The following WDR25 variants were observed in gnomAD, a reference collection of about 807,000 sequenced individuals.
WDR25 encodes WD repeat-containing protein 25.
Under a neutral mutation model 47.7 loss-of-function variants are expected in WDR25, and 35 were observed. The observed-to-expected ratio is 0.73, with a 90% CI of 0.56 to 0.97. WDR25 has a LOEUF of 0.97. WDR25 is among the 50% of genes least tolerant of loss of function. The pLI is 0.00. For missense variants in WDR25, 634 were observed against 704.7 expected, an observed-to-expected ratio of 0.90 and a Z score of 1.14; for synonymous variants, 248 against 278.9, an observed-to-expected ratio of 0.89 and a Z score of 1.10.
chr14:100,447,931 C>T (rs543522469), intron 2 of WDR25, among the ~76,000 whole-genome samples: 8 of 152,148 alleles, frequency 5.3e-5, no homozygotes, highest in Admixed American at 3.3e-4. Flanking sequence ...TGGTGGCTCA[C>T]GCCTGTAATC....
chr14:100,467,740 C>G (rs982569156), intron 2 of WDR25, among the ~76,000 whole-genome samples: 26 of 152,076 alleles, frequency 1.7e-4, no homozygotes, highest in African/African-American at 6.3e-4. Context: ...CCCACCTTGG[C>G]CTCCCAAAGT....
rs533291960 is a variant in WDR25 at position 100,452,536 on chromosome 14, A to T, written c.823-15485A>T. ...ACTTGAGGGAACCCAGCAGCTGGGTAGAGAAGAGCACCTGGACAGAGGAGT... is the reference window on the plus strand; with the variant it reads ...ACTTGAGGGAACCCAGCAGCTGGGTTGAGAAGAGCACCTGGACAGAGGAGT... On this transcript the variant is annotated intron_variant, in intron 2 of 6. Transcript: ENST00000402312. Among the ~76,000 whole-genome samples, 4 of 152,298 alleles carry T rather than the reference A, an allele frequency of 2.6e-5. No homozygotes were observed. The South Asian group carries it at 8.3e-4, about 32-fold the overall frequency.
Position 100,381,766 on chromosome 14 carries a change from T to G in WDR25, c.822+20T>G. On this transcript the variant is annotated intron_variant, in intron 2 of 6. Transcript: ENST00000402312. ...TTCAAGGTAAGACTTGAATGAAAAC[T>G]TCTGCTTTCAGATGCTCTTAGGAAT... 6.4e-7 allele frequency: 1 copy of G among 1,556,754 alleles called. No individual in the cohort carries two copies. The highest frequency in any genetic ancestry group is 8.7e-7 in the Non-Finnish European group (1 of 1,144,968).
At chr14:100,481,315 CT>C (rs1166104737) in intron 3 of WDR25, 1 of 968,716 alleles carries the variant, frequency 1.0e-6, no homozygotes, top group Non-Finnish European at 1.5e-6. Context: ...CCCTGTCTCC[CT>C]TCTTGTACAA....
At chr14:100,402,239 T>C (rs1897400943) in intron 2 of WDR25, among the ~76,000 whole-genome samples, 1 of 152,162 alleles carries the variant, frequency 6.6e-6, no homozygotes, top group South Asian at 2.1e-4. Context: ...TCTCCTGATA[T>C]GTGACGTCCA....
intron 2 of WDR25, among the ~76,000 whole-genome samples, chr14:100,448,612 A>C (rs977961585): frequency 6.6e-6 from 1 of 151,876 alleles, no homozygotes. Flanking sequence ...CACTGCCAGG[A>C]CTCCGTCACC....
At chr14:100,503,299 C>T (rs896645934) in intron 4 of WDR25, among the ~76,000 whole-genome samples, 4 of 152,028 alleles carry the variant, frequency 2.6e-5, no homozygotes, top group African/African-American at 9.7e-5. Flanking sequence ...ATCAGTTACA[C>T]CTGAATATAA....
At chr14:100,393,330 CAAATT>C (rs1173308520) in intron 2 of WDR25, among the ~76,000 whole-genome samples, 6 of 152,212 alleles carry the variant, frequency 3.9e-5, no homozygotes, top group Non-Finnish European at 5.9e-5. Flanking sequence ...TACAAAAACA[CAAATT>C]AAAACAGATT....
chr14:100,440,984 C>T lies in WDR25; in HGVS notation c.823-27037C>T, dbSNP rs1030453657. 1.3e-5 allele frequency among the ~76,000 whole-genome samples: 2 copies of T among 152,064 alleles called. No individual in the cohort carries two copies. The highest frequency in any genetic ancestry group is 1.3e-4 in the Admixed American group (2 of 15,280). The stretch of plus-strand genomic sequence containing the variant: ...TGAATTTGTGTCAAAGTACCCGGTC[C>T]CTGGCATTTTGAGAAAGGGATTCTC... On this transcript the variant is annotated intron_variant, in intron 2 of 6. Transcript: ENST00000402312. The surrounding 1 kb of genome is among the most constrained non-coding windows in gnomAD (Gnocchi z 4.4).
chr14:100,429,714 G>T (rs1266404542), intron 2 of WDR25, among the ~76,000 whole-genome samples: 1 of 152,156 alleles, frequency 6.6e-6, no homozygotes, highest in African/African-American at 2.4e-5. Context: ...CAGCAGCATT[G>T]GTGTCAGGTG....
At position 100,523,795 on chromosome 14, in the gene WDR25, C is replaced by T. The variant is rs563582292; in HGVS notation, c.1102-2075C>T. On this transcript the variant is annotated intron_variant, in intron 4 of 6. Coordinates refer to ENST00000402312, the MANE Select transcript of WDR25 (RefSeq NM_001161476.3). The surrounding 1 kb of genome is among the most constrained non-coding windows in gnomAD (Gnocchi z 4.7). ...TGTCCCTGCATCTCTACCAGGGGCC[C>T]GCAGTTGCCAGAAGAGTCTGAGTGA... Among the ~76,000 whole-genome samples, 10 of 152,234 alleles carry T rather than the reference C, an allele frequency of 6.6e-5. No homozygotes were observed. Among genetic ancestry groups the T allele is most frequent in the Non-Finnish European group, 8.8e-5 (6 of 68,010 alleles).
At chr14:100,517,337 A>T (rs1408421204) in intron 4 of WDR25, among the ~76,000 whole-genome samples, 1 of 151,724 alleles carries the variant, frequency 6.6e-6, no homozygotes, top group Non-Finnish European at 1.5e-5. Flanking sequence ...TCGGCCTCCC[A>T]AAGCTCCTCT....
chr14:100,487,735 CCAAA>C (rs912528676), intron 4 of WDR25: 3 of 152,194 alleles, frequency 2.0e-5, no homozygotes, highest in African/African-American at 7.2e-5. Context: ...GTTACAATCT[CCAAA>C]CAAACTATCA....
chr14:100,412,228 G>T (rs900751944), intron 2 of WDR25, among the ~76,000 whole-genome samples: 1 of 145,486 alleles, frequency 6.9e-6, no homozygotes, highest in African/African-American at 2.6e-5. Context: ...AAAAAAAAAA[G>T]GTAAACTATC....
Position 100,428,895 on chromosome 14 carries a change from T to G in WDR25, c.823-39126T>G, listed in dbSNP as rs1464643647. Among the ~76,000 whole-genome samples the G allele has an allele frequency of 1.3e-5, 2 of 152,170 alleles. No homozygotes were observed. The highest frequency in any genetic ancestry group is 4.8e-5 in the African/African-American group (2 of 41,436). On this transcript the variant is annotated intron_variant, in intron 2 of 6. Transcript: ENST00000402312. This position sits in a 1 kb window ranked among gnomAD's most constrained non-coding sequence, Gnocchi z 4.3. Reference sequence around the variant, plus strand: ...CAATATCACTCAAGCTCCTCTTGCGTCTTTGGCACCAGAGGCGTCATCCCC... The same window carrying G: ...CAATATCACTCAAGCTCCTCTTGCGGCTTTGGCACCAGAGGCGTCATCCCC...
At chr14:100,515,724 G>A (rs979696524) in intron 4 of WDR25, among the ~76,000 whole-genome samples, 1 of 151,498 alleles carries the variant, frequency 6.6e-6, no homozygotes, top group African/African-American at 2.4e-5. Flanking sequence ...TGCCTCCTGG[G>A]TTCAAGCAAT....
Position 100,529,704 on chromosome 14 carries a change from C to T in WDR25, c.1414-116C>T, listed in dbSNP as rs111759914. On this transcript the variant is annotated intron_variant, in intron 6 of 6. Transcript: ENST00000402312. This position sits in a 1 kb window ranked among gnomAD's most constrained non-coding sequence, Gnocchi z 5.1. Reference sequence around the variant, plus strand: ...GCTTTGGCCTCAGGGACACGAGGTGCGAAGCCCAGCTCTGCTCCGTCAGCT... The same window carrying T: ...GCTTTGGCCTCAGGGACACGAGGTGTGAAGCCCAGCTCTGCTCCGTCAGCT... 3,596 of 1,208,336 alleles carry T rather than the reference C, an allele frequency of 3.0e-3. 43 individuals carry two copies. In the African/African-American group the frequency reaches 0.031, roughly 10 times the overall value. 74.9% of individuals were successfully genotyped at this position (1,208,336 alleles called of 1,614,324 possible).
intron 2 of WDR25, among the ~76,000 whole-genome samples, chr14:100,466,459 G>A (rs945927702): frequency 1.3e-5 from 2 of 152,162 alleles, no homozygotes; most frequent in Admixed American, 6.5e-5. Flanking sequence ...CTTTGTTTGG[G>A]TTTTTCTCTT....
chr14:100,466,958 A>G (rs1014257150), intron 2 of WDR25, among the ~76,000 whole-genome samples: 6 of 152,222 alleles, frequency 3.9e-5, no homozygotes, highest in Non-Finnish European at 7.3e-5. Context: ...TGGAAAGCTA[A>G]GCTCAGGGGC....
Sources: gnomAD v4.1 joint callset for allele counts (sites outside exome capture counted in the v4.1 genomes callset) on GRCh38, gnomAD v4.1.1 for gene constraint, Gnocchi (gnomAD v3.1) non-coding constraint, MANE v1.5 for transcripts, NCBI Gene and HGNC (gene_info 2026-07-23, HGNC 2026-07-21) for gene names.